Variants in SAMMSON observed in about 807,000 individuals in gnomAD.
SAMMSON encodes long intergenic non-protein coding RNA 1212.
At chr3:70,025,808 C>T (rs144806440) in intron 3 of SAMMSON, among the ~76,000 whole-genome samples, 6 of 151,914 alleles carry the variant, frequency 3.9e-5, no homozygotes, top group African/African-American at 7.3e-5. Flanking sequence ...ATACTGTATT[C>T]GTACAATAAA....
chr3:70,052,794 A>T (rs2067151268), intron 3 of SAMMSON, among the ~76,000 whole-genome samples: 1 of 152,018 alleles, frequency 6.6e-6, no homozygotes, highest in African/African-American at 2.4e-5. Flanking sequence ...GTCACCTAGG[A>T]GTTAGAGGTT....
chr3:70,126,084 G>A (rs534876231), intron 4 of SAMMSON: 55 of 1,203,082 alleles, frequency 4.6e-5, no homozygotes, highest in Non-Finnish European at 5.7e-5. Context: ...ACTTAGGCAC[G>A]CTTGCCAAAG....
rs1410136428 is a variant in SAMMSON at position 70,092,916 on chromosome 3, G to GT, written n.507+21361dup. ...CTAGTGTTTTTGTTTTTTTTTTTTT[G>GT]TTTTTTTTTTCCACCAGATAAATAT... On this transcript the variant is annotated intron_variant and non_coding_transcript_variant, in intron 4 of 9. Coordinates refer to ENST00000642114, the Ensembl canonical transcript of SAMMSON. Among the ~76,000 whole-genome samples the GT allele has an allele frequency of 8.4e-3, 886 of 105,198 alleles. 11 individuals carry two copies. Among genetic ancestry groups the GT allele is most frequent in the African/African-American group, 0.024 (701 of 29,400 alleles). The allele number at this position is 105,198 out of a possible 152,430, so 69.0% of individuals were successfully genotyped here. A position where few individuals can be genotyped will look rare whatever the true frequency, so the allele number is the denominator to read the frequency against.
chr3:70,063,822 G>A (rs1023027908), intron 3 of SAMMSON, among the ~76,000 whole-genome samples: 1 of 152,086 alleles, frequency 6.6e-6, no homozygotes. Flanking sequence ...GCAAAATTCA[G>A]CTGTTTAATG....
At chr3:70,217,015 A>T (rs1033134197) in intron 4 of SAMMSON, among the ~76,000 whole-genome samples, 1 of 152,156 alleles carries the variant, frequency 6.6e-6, no homozygotes, top group Non-Finnish European at 1.5e-5. Context: ...ATCACCAGCC[A>T]TTGCTATCAC....
chr3:70,062,208 G>C (rs1033537765), intron 3 of SAMMSON, among the ~76,000 whole-genome samples: 1 of 151,672 alleles, frequency 6.6e-6, no homozygotes, highest in Non-Finnish European at 1.5e-5. Flanking sequence ...TAATAATATC[G>C]GCATGTTAAG....
At chr3:70,219,663 T>C (rs952800620) in intron 4 of SAMMSON, among the ~76,000 whole-genome samples, 1 of 152,114 alleles carries the variant, frequency 6.6e-6, no homozygotes, top group African/African-American at 2.4e-5. Flanking sequence ...GAATTCAAAA[T>C]TGAAATGACA....
intron 4 of SAMMSON, among the ~76,000 whole-genome samples, chr3:70,151,654 A>G (rs4443138): frequency 0.56 from 85,700 of 151,860 alleles, 25,284 homozygotes; most frequent in Non-Finnish European, 0.63. Flanking sequence ...GATACATTTT[A>G]GTATTTCTTT....
At chr3:70,387,174 A>T (rs944098979) in intron 9 of SAMMSON, among the ~76,000 whole-genome samples, 2 of 152,080 alleles carry the variant, frequency 1.3e-5, no homozygotes, top group African/African-American at 4.8e-5. Context: ...ATAAGTTTTA[A>T]ACTCTTTTTA....
chr3:70,221,717 G>A (rs1701462151), intron 4 of SAMMSON, among the ~76,000 whole-genome samples: 1 of 152,148 alleles, frequency 6.6e-6, no homozygotes, highest in South Asian at 2.1e-4. Flanking sequence ...GGACAATGAG[G>A]TAGATCTTGG....
chr3:70,262,659 C>T (rs969743765), intron 6 of SAMMSON, among the ~76,000 whole-genome samples: 7 of 152,136 alleles, frequency 4.6e-5, no homozygotes, highest in Non-Finnish European at 8.8e-5. Context: ...AAATTTTACA[C>T]TTGTGTCACA....
intron 4 of SAMMSON, among the ~76,000 whole-genome samples, chr3:70,105,403 G>A (rs2067363569): frequency 6.6e-6 from 1 of 152,178 alleles, no homozygotes; most frequent in African/African-American, 2.4e-5. Context: ...CTTTTACAGT[G>A]AGTACATAGA....
chr3:70,237,733 T>C (rs1298393992), intron 4 of SAMMSON, among the ~76,000 whole-genome samples: 1 of 152,230 alleles, frequency 6.6e-6, no homozygotes, highest in Non-Finnish European at 1.5e-5. Context: ...AGGTGAAACA[T>C]ACCTCAATGG....
intron 2 of SAMMSON, among the ~76,000 whole-genome samples, chr3:70,429,402 T>A (rs958947237): frequency 6.6e-6 from 1 of 152,226 alleles, no homozygotes; most frequent in African/African-American, 2.4e-5. Flanking sequence ...GGTAGCATGA[T>A]GCCTCCAGCT....
At chr3:70,381,059 A>G (rs1575637608) in intron 9 of SAMMSON, among the ~76,000 whole-genome samples, 2 of 152,308 alleles carry the variant, frequency 1.3e-5, no homozygotes, top group East Asian at 3.9e-4. Context: ...GTATATACCC[A>G]GTAATGAGAC....
chr3:70,020,539 G>T (rs115586760), intron 3 of SAMMSON, among the ~76,000 whole-genome samples: 1 of 152,076 alleles, frequency 6.6e-6, no homozygotes, highest in Non-Finnish European at 1.5e-5. Context: ...AGAGGTGGTG[G>T]TGTTTATTGC....
chr3:70,040,096 C>A (rs1408814574), intron 3 of SAMMSON, among the ~76,000 whole-genome samples: 3 of 151,996 alleles, frequency 2.0e-5, no homozygotes, highest in Non-Finnish European at 2.9e-5. Context: ...CCCTACTTAC[C>A]AGCTGAGCAA....
At chr3:70,425,102 A>C (rs549384396) in intron 2 of SAMMSON, 1 of 152,334 alleles carries the variant, frequency 6.6e-6, no homozygotes, top group East Asian at 1.9e-4. Flanking sequence ...AATTTGACTT[A>C]ACAGGGCACT....
intron 3 of SAMMSON, among the ~76,000 whole-genome samples, chr3:70,061,312 C>A (rs1393482009): frequency 6.6e-6 from 1 of 152,090 alleles, no homozygotes; most frequent in Non-Finnish European, 1.5e-5. Context: ...AGTCTAGGGA[C>A]CATGCTAACA....
Sources: allele counts gnomAD v4.1 joint callset (sites outside exome capture counted in the v4.1 genomes callset), GRCh38; gene constraint gnomAD v4.1.1; transcripts MANE v1.5; gene names NCBI Gene and HGNC (gene_info 2026-07-23, HGNC 2026-07-21).